The following POF1B variants were observed in gnomAD, a reference collection of about 807,000 sequenced individuals.
POF1B encodes POF1B actin binding protein.
A neutral mutation model predicts 55.3 loss-of-function variants in POF1B; 53 were observed. The observed-to-expected ratio is 0.96, with a 90% CI of 0.77 to 1.20. The LOEUF is 1.20. Ranked by LOEUF, POF1B falls within the 50% of genes most tolerant of loss-of-function variation. POF1B has a pLI of 0.00. For synonymous variants in POF1B, 188 were observed against 148.3 expected (o/e 1.27, Z -1.95); for missense variants, 478 against 420.5 (o/e 1.14, Z -1.20).
At chrX:85,341,717 C>A (rs1233350842) in intron 6 of POF1B, among the ~76,000 whole-genome samples, 1 of 110,753 alleles carries the variant, frequency 9.0e-6, no homozygotes, top group Non-Finnish European at 1.9e-5. Context: ...CTGCTGAGTT[C>A]ATTGAACTAA....
Position 85,305,857 on chromosome X carries a change from G to A in POF1B, c.1371C>T (p.Gly457=). Residue 457 remains glycine (G), a synonymous_variant, in exon 13 of 17, where the codon GGC becomes GGT. Transcript: ENST00000262753. Reference sequence around the variant, plus strand: ...TTTTTACCATCTCCGTGTAGTGGTTGCCAATCTCATCCATTTTAGCCTGCA... The same window carrying A: ...TTTTTACCATCTCCGTGTAGTGGTTACCAATCTCATCCATTTTAGCCTGCA... ...PMLQAKMDEI[G]NHYTEMVKNL... The A allele has an allele frequency of 8.3e-7, 1 of 1,209,570 alleles. No homozygotes were observed. Among genetic ancestry groups the A allele is most frequent in the Non-Finnish European group, 1.1e-6 (1 of 893,974 alleles).
At chrX:85,285,313 C>T (rs187566283) in intron 15 of POF1B, among the ~76,000 whole-genome samples, 14,498 of 110,446 alleles carry the variant, frequency 0.13, 707 homozygotes, top group South Asian at 0.18. Context: ...ATATACCCAA[C>T]GGATTATAAA....
At chrX:85,306,438 G>A in intron 11 of POF1B, 105 bp from the exon 12 acceptor site, 1 of 836,446 alleles carries the variant, frequency 1.2e-6, no homozygotes, top group Non-Finnish European at 1.7e-6. Context: ...ATTTTCCTAT[G>A]CCCAGTTTTC....
In POF1B at chrX:85,314,484, A is replaced by G. The variant is rs760828320; in HGVS notation, c.905T>C (p.Ile302Thr). The change falls in exon 9 of 17, where the codon ATT (isoleucine) becomes ACT (threonine). Residue 302 changes from isoleucine to threonine, a missense_variant. Transcript: ENST00000262753. ...TGTAAACTCTGATAATCCTTTAGGAATCAATGATTCAATGTCTTCCGACTG... is the reference window on the plus strand; with the variant it reads ...TGTAAACTCTGATAATCCTTTAGGAGTCAATGATTCAATGTCTTCCGACTG... Reference protein sequence around the residue: ...TDESEDIESLIPKGLSEFTKQ... With the variant: ...TDESEDIESLTPKGLSEFTKQ... The G allele has an allele frequency of 8.4e-7, 1 of 1,197,472 alleles. No homozygotes were observed. Among genetic ancestry groups the G allele is most frequent in the South Asian group, 1.8e-5 (1 of 54,855 alleles).
chrX:85,379,184 C>G lies in POF1B; in HGVS notation c.271G>C (p.Asp91His). 1.7e-6 allele frequency: 2 copies of G among 1,210,367 alleles called. No homozygotes were observed. The highest frequency in any genetic ancestry group is 2.2e-6 in the Non-Finnish European group (2 of 894,662). Residue 91 changes from aspartate (D) to histidine (H), a missense_variant, in exon 2 of 17, where the codon GAC becomes CAC. By Grantham distance (81) the Asp-to-His change is moderately conservative. Coordinates refer to ENST00000262753, the MANE Select transcript of POF1B (RefSeq NM_024921.4). ...TTTCTTTGTTGTACCTGAGAATGGT[C>G]GCTCCAAACCAAATTTTGGTAGGAG... Reference protein sequence around the residue: ...TSSYQNLVWSDHSQELHSPTL... With the variant: ...TSSYQNLVWSHHSQELHSPTL...
At chrX:85,313,766 G>T (rs1451920520) in intron 9 of POF1B, among the ~76,000 whole-genome samples, 1 of 110,992 alleles carries the variant, frequency 9.0e-6, no homozygotes, top group Non-Finnish European at 1.9e-5. Flanking sequence ...GCTCCTCTTT[G>T]TACCCCTGGT....
intron 15 of POF1B, among the ~76,000 whole-genome samples, chrX:85,294,054 T>A (rs1229640120): frequency 8.9e-6 from 1 of 111,946 alleles, no homozygotes; most frequent in Admixed American, 9.5e-5. Context: ...AAAATGCTAC[T>A]GAATTTTTAC....
At chrX:85,373,607 C>G in intron 2 of POF1B, among the ~76,000 whole-genome samples, 1 of 111,670 alleles carries the variant, frequency 9.0e-6, no homozygotes, top group East Asian at 2.8e-4. Flanking sequence ...GAAAGAGATA[C>G]AAATGATGTT....
chrX:85,302,869 C>T (rs993914601), intron 15 of POF1B, among the ~76,000 whole-genome samples: 1 of 111,657 alleles, frequency 9.0e-6, no homozygotes, highest in African/African-American at 3.2e-5. Context: ...CCAAAATAGA[C>T]TTCTGCTGAA....
chrX:85,355,251 C>T (rs1007295299), intron 4 of POF1B, among the ~76,000 whole-genome samples: 8 of 111,477 alleles, frequency 7.2e-5, no homozygotes, highest in African/African-American at 6.5e-5. Context: ...AACTGGCTAG[C>T]CATATGTAGA....
Position 85,306,276 on chromosome X carries a change from G to A in POF1B, c.1222C>T (p.Leu408Phe). 1 of 1,208,442 alleles carries A rather than the reference G, an allele frequency of 8.3e-7. No individual in the cohort carries two copies. The highest frequency in any genetic ancestry group is 1.1e-6 in the Non-Finnish European group (1 of 892,944). The change falls in exon 12 of 17, where the codon CTT becomes TTT. Residue 408 changes from leucine to phenylalanine, a missense_variant. Physicochemically the swap from Leu to Phe is conservative, Grantham distance 22 (BLOSUM62 0). Coordinates refer to ENST00000262753, the MANE Select transcript of POF1B (RefSeq NM_024921.4). The stretch of plus-strand genomic sequence containing the variant: ...TCCATGTCTGATAGTGTATGTCGAA[G>A]AGAGAGATTGTTTTCTTCCAATGCC... ...CQALEENNLS[L>F]RHTLSDMEYR...
At chrX:85,307,381 A>G in intron 10 of POF1B, 105 bp from the exon 11 acceptor site, 2 of 465,528 alleles carry the variant, frequency 4.3e-6, no homozygotes, top group Non-Finnish European at 3.6e-6. Context: ...CACTTGTTTC[A>G]TTTGTACTTG....
At chrX:85,376,789 A>G (rs1033266859) in intron 2 of POF1B, among the ~76,000 whole-genome samples, 3 of 111,506 alleles carry the variant, frequency 2.7e-5, no homozygotes, top group Non-Finnish European at 5.7e-5. Context: ...GAAAATGCCT[A>G]CTACATGACC....
At position 85,325,487 on chromosome X, in the gene POF1B, T is replaced by C. The variant is rs372946943; in HGVS notation, c.854+5462A>G. Among the ~76,000 whole-genome samples, 17 of 112,368 alleles carry C rather than the reference T, an allele frequency of 1.5e-4. No individual in the cohort carries two copies. In the East Asian group the frequency reaches 3.9e-3, roughly 26 times the overall value. ...CTGCTGTTAAAACTTGCAATTACAT[T>C]ATGAAATTCTTATAGCGTGTTTTTC... is the stretch of plus-strand genomic sequence containing the variant. On this transcript the variant is annotated intron_variant, in intron 7 of 16. Transcript: ENST00000262753.
intron 16 of POF1B, among the ~76,000 whole-genome samples, chrX:85,280,283 A>C (rs919421908): frequency 9.0e-6 from 1 of 111,618 alleles, no homozygotes; most frequent in African/African-American, 3.2e-5. Flanking sequence ...TTAACTATAC[A>C]TCTGAAGCAT....
chrX:85,356,450 G>T (rs1228101553), intron 4 of POF1B, among the ~76,000 whole-genome samples: 7 of 107,584 alleles, frequency 6.5e-5, no homozygotes, highest in Non-Finnish European at 1.3e-4. Flanking sequence ...AGAACTTAAA[G>T]TATAATAAAA....
At chrX:85,307,071 T>C in intron 11 of POF1B, 92 bp downstream of exon 11, 1 of 717,225 alleles carries the variant, frequency 1.4e-6, no homozygotes, top group Admixed American at 3.5e-5. Flanking sequence ...TTTAATTCTG[T>C]CTTGATTATA....
At chrX:85,340,540 C>T (rs189261876) in intron 6 of POF1B, among the ~76,000 whole-genome samples, 210 of 111,275 alleles carry the variant, frequency 1.9e-3, no homozygotes, top group African/African-American at 6.4e-3. Flanking sequence ...CAAGGACTGG[C>T]TGAAAGCTAT....
At chrX:85,310,442 C>T (rs1369921233) in intron 9 of POF1B, among the ~76,000 whole-genome samples, 1 of 111,339 alleles carries the variant, frequency 9.0e-6, no homozygotes, top group Admixed American at 9.6e-5. Flanking sequence ...AAAACCAAAC[C>T]AAAACAACAA....
Sources: gnomAD v4.1 joint callset for allele counts (sites outside exome capture counted in the v4.1 genomes callset) on GRCh38, gnomAD v4.1.1 for gene constraint, MANE v1.5 for transcripts, NCBI Gene and HGNC (gene_info 2026-07-23, HGNC 2026-07-21) for gene names.